The following ZNF330 variants were observed in gnomAD, a reference collection of about 807,000 sequenced individuals.
ZNF330 encodes the protein nucleolar atypical zinc finger.
Under a neutral mutation model 45.5 loss-of-function variants are expected in ZNF330, and 31 were observed. The observed-to-expected ratio is 0.68, with a 90% CI of 0.51 to 0.92. The LOEUF (loss-of-function observed/expected upper bound fraction) is 0.92. Ranked by LOEUF, ZNF330 falls within the 40% of genes least tolerant of loss-of-function variation. The pLI is 0.00. For missense variants in ZNF330, 356 were observed against 387.4 expected, an observed-to-expected ratio of 0.92 and a Z score of 0.68; for synonymous variants, 138 against 123.2, an observed-to-expected ratio of 1.12 and a Z score of -0.79.
intron 2 of ZNF330, chr4:141,224,078 C>T (rs913379749): frequency 1.7e-5 from 5 of 289,774 alleles, no homozygotes; most frequent in Non-Finnish European, 2.7e-5. Context: ...CTCTTTGGAA[C>T]GGTGCCTTAG....
chr4:141,225,489 TC>T (rs10655485), intron 4 of ZNF330, among the ~76,000 whole-genome samples: 3 of 150,436 alleles, frequency 2.0e-5, no homozygotes, highest in Admixed American at 6.6e-5. Context: ...TAGATTTACA[TC>T]CCCCCCCAAC....
intron 2 of ZNF330, among the ~76,000 whole-genome samples, chr4:141,224,174 T>C (rs1728746783): frequency 6.6e-6 from 1 of 152,210 alleles, no homozygotes; most frequent in Non-Finnish European, 1.5e-5. Flanking sequence ...TACTTAACTA[T>C]CAAAAGGATA....
At position 141,231,474 on chromosome 4, in the gene ZNF330, C is replaced by A. The variant is rs139331071; in HGVS notation, c.559C>A (p.Leu187Ile). Residue 187 changes from leucine (L) to isoleucine (I), a missense_variant, in exon 8 of 10, where the codon CTC becomes ATC. By Grantham distance (5) the Leu-to-Ile change is conservative. Transcript: ENST00000262990. ...SCNRLGQHSC[L>I]RCKACFCDDH... ...CAATCGGCTTGGTCAGCACTCATGT[C>A]TCCGTTGTAAGGTATACCAATGCGT... The A allele has an allele frequency of 3.1e-5, 49 of 1,603,718 alleles. No homozygotes were observed. The highest frequency in any genetic ancestry group is 3.4e-6 in the Non-Finnish European group (4 of 1,175,608).
Position 141,232,623 on chromosome 4 carries a change from T to G in ZNF330, c.669T>G (p.Thr223=). ...AATGTGGGCATGAAACTCAGGAGAC[T>G]AAGGACCTTAGCATGTCAAGTAAGG... The part of the protein sequence containing the change: ...CPKCGHETQE[T]KDLSMSTRSL... Residue 223 remains threonine (T), a synonymous_variant, in exon 9 of 10, where the codon ACT becomes ACG. Transcript: ENST00000262990. 6.3e-7 allele frequency: 1 copy of G among 1,580,030 alleles called. No individual in the cohort carries two copies. The highest frequency in any genetic ancestry group is 1.2e-5 in the South Asian group (1 of 83,610).
At chr4:141,222,624 C>T in intron 2 of ZNF330, 133 bp downstream of exon 2, 2 of 912,622 alleles carry the variant, frequency 2.2e-6, no homozygotes, top group Non-Finnish European at 3.2e-6. Flanking sequence ...GTATCTCTGG[C>T]ACGTCTGTTG....
At chr4:141,222,553 T>C (rs1490649204) in intron 2 of ZNF330, 62 bp downstream of exon 2, 1 of 1,522,726 alleles carries the variant, frequency 6.6e-7, no homozygotes, top group African/African-American at 1.4e-5. Context: ...TTATCTGACG[T>C]ATACCTGAAT....
At chr4:141,225,055 G>A (rs966945055) in intron 4 of ZNF330, among the ~76,000 whole-genome samples, 4 of 152,028 alleles carry the variant, frequency 2.6e-5, no homozygotes, top group African/African-American at 7.2e-5. Flanking sequence ...GATATTACCT[G>A]CAGTGTGTTA....
chr4:141,221,637 T>G (rs1256119163), intron 1 of ZNF330, among the ~76,000 whole-genome samples: 1 of 139,992 alleles, frequency 7.1e-6, no homozygotes, highest in Non-Finnish European at 1.5e-5. Flanking sequence ...ACCTGTTTTG[T>G]TTTTTTTTTA....
In ZNF330 at chr4:141,223,626, C is replaced by T. The variant is rs542848233; in HGVS notation, c.121-861C>T. 8 of 417,248 alleles carry T rather than the reference C, an allele frequency of 1.9e-5. No individual in the cohort carries two copies. The East Asian group carries it at 2.1e-4, about 11-fold the overall frequency. 25.8% of individuals were successfully genotyped at this position (417,248 alleles called of 1,614,324 possible). ...GGTTGGGTGAGGACAGATTACATAG[C>T]GCAGATGTGACAGTGAGGCTGTCTT... On this transcript the variant is annotated intron_variant, in intron 2 of 9. Transcript: ENST00000262990.
At chr4:141,223,214 T>A (rs1365136665) in intron 2 of ZNF330, among the ~76,000 whole-genome samples, 2 of 152,134 alleles carry the variant, frequency 1.3e-5, no homozygotes, top group Non-Finnish European at 2.9e-5. Flanking sequence ...TTACATGGTC[T>A]CTATTTCCAG....
In ZNF330 at chr4:141,234,174, GA is replaced by G; in HGVS notation, c.*190del. The stretch of plus-strand genomic sequence containing the variant: ...ACTGATAATCAGGCTTATGGCATAA[GA>G]AAAATGAGTTTCAAATTTAAGATGT... On this transcript the variant is annotated 3_prime_UTR_variant, in exon 10 of 10. Coordinates refer to ENST00000262990, the MANE Select transcript of ZNF330 (RefSeq NM_014487.6). 1 of 1,124,734 alleles carries G rather than the reference GA, an allele frequency of 8.9e-7. No homozygotes were observed. Among genetic ancestry groups the G allele is most frequent in the Non-Finnish European group, 1.2e-6 (1 of 862,276 alleles). The allele number at this position is 1,124,734 out of a possible 1,614,324, so 69.7% of individuals were successfully genotyped here.
intron 2 of ZNF330, 133 bp downstream of exon 2, chr4:141,222,624 C>A: frequency 1.1e-6 from 1 of 912,618 alleles, no homozygotes; most frequent in Non-Finnish European, 1.6e-6. Context: ...GTATCTCTGG[C>A]ACGTCTGTTG....
chr4:141,230,561 T>G (rs1229729555), intron 7 of ZNF330, among the ~76,000 whole-genome samples: 1 of 152,096 alleles, frequency 6.6e-6, no homozygotes, highest in Non-Finnish European at 1.5e-5. Context: ...ACATGTCATT[T>G]TTACCTTCAA....
chr4:141,227,007 C>T (rs1047277230), intron 5 of ZNF330, among the ~76,000 whole-genome samples, 161 bp downstream of exon 5: 1 of 151,714 alleles, frequency 6.6e-6, no homozygotes, highest in Non-Finnish European at 1.5e-5. Context: ...TATGATTTTC[C>T]CTTAGTACCC....
Position 141,233,835 on chromosome 4 carries a change from A to AG in ZNF330, c.811dup (p.Glu271GlyfsTer4). On this transcript the variant is annotated frameshift_variant, in exon 10 of 10. Coordinates refer to ENST00000262990, the MANE Select transcript of ZNF330 (RefSeq NM_014487.6). LOFTEE classifies it high-confidence loss of function. The stretch of plus-strand genomic sequence containing the variant: ...TATGGTGATACCAGCTACCACGATG[A>AG]GGAGGAGGATGAGTATGAAGCAGAG... 1 of 1,613,656 alleles carries AG rather than the reference A, an allele frequency of 6.2e-7. No individual in the cohort carries two copies. Among genetic ancestry groups the AG allele is most frequent in the Non-Finnish European group, 8.5e-7 (1 of 1,179,722 alleles).
In ZNF330 at chr4:141,232,622, C is replaced by CTAAGGACCTTAGCATGTCAAG. The variant is rs764752647; in HGVS notation, c.674_688+6dup. Reference sequence around the variant, plus strand: ...AAATGTGGGCATGAAACTCAGGAGACTAAGGACCTTAGCATGTCAAGTAAG... The same window carrying CTAAGGACCTTAGCATGTCAAG: ...AAATGTGGGCATGAAACTCAGGAGACTAAGGACCTTAGCATGTCAAGTAAGGACCTTAGCATGTCAAGTAAG... On this transcript the variant is annotated inframe_insertion, in exon 9 of 10. Coordinates refer to ENST00000262990, the MANE Select transcript of ZNF330 (RefSeq NM_014487.6). 1 of 1,579,606 alleles carries CTAAGGACCTTAGCATGTCAAG rather than the reference C, an allele frequency of 6.3e-7. No homozygotes were observed. The highest frequency in any genetic ancestry group is 8.6e-7 in the Non-Finnish European group (1 of 1,163,726).
At chr4:141,226,422 T>A (rs1728805999) in intron 4 of ZNF330, among the ~76,000 whole-genome samples, 1 of 152,170 alleles carries the variant, frequency 6.6e-6, no homozygotes, top group Admixed American at 6.5e-5. Context: ...TTAAAAATTG[T>A]TTTGAATAAT....
Position 141,224,512 on chromosome 4 carries a change from TTTTA to T in ZNF330, c.140+10_140+13del, listed in dbSNP as rs753488742. 5.6e-6 allele frequency: 9 copies of T among 1,606,252 alleles called. No homozygotes were observed. The highest frequency in any genetic ancestry group is 1.3e-5 in the African/African-American group (1 of 74,686). On this transcript the variant is annotated splice_region_variant and intron_variant, in intron 3 of 9. Transcript: ENST00000262990. ...GAATGTGACAAGTGTCAGAGGTAAA[TTTTA>T]TTTCTTTTTCTATCTACCTTTAATA... is the stretch of plus-strand genomic sequence containing the variant.
chr4:141,225,910 T>C (rs1728791882), intron 4 of ZNF330, among the ~76,000 whole-genome samples: 1 of 152,080 alleles, frequency 6.6e-6, no homozygotes, highest in South Asian at 2.1e-4. Flanking sequence ...ATTCTTAGTG[T>C]TGGACATGGA....
Sources: gnomAD v4.1 joint callset for allele counts (sites outside exome capture counted in the v4.1 genomes callset) on GRCh38, gnomAD v4.1.1 for gene constraint, MANE v1.5 for transcripts, NCBI Gene and HGNC (gene_info 2026-07-23, HGNC 2026-07-21) for gene names.